The following FHIT variants were observed in gnomAD, a reference collection of about 807,000 sequenced individuals.
FHIT encodes bis(5'-adenosyl)-triphosphatase.
FHIT carries 19 observed loss-of-function variants against 17.9 expected under a neutral mutation model. The ratio of observed to expected loss-of-function variants is 1.06; its 90% CI spans 0.74 to 1.56. The LOEUF (loss-of-function observed/expected upper bound fraction) is 1.56, where lower values mean the gene tolerates loss of function less well. Among genes scored for constraint, FHIT ranks in the 40% most tolerant of loss-of-function variants. FHIT has a pLI of 0.00. For missense variants in FHIT, 248 were observed against 189.2 expected, an observed-to-expected ratio of 1.31 and a Z score of -1.82; for synonymous variants, 81 against 69.7, an observed-to-expected ratio of 1.16 and a Z score of -0.81.
At chr3:60,150,098 T>C (rs1313489159) in intron 5 of FHIT, among the ~76,000 whole-genome samples, 1 of 144,766 alleles carries the variant, frequency 6.9e-6, no homozygotes, top group Non-Finnish European at 1.5e-5. Flanking sequence ...GGGGTTCAAG[T>C]GATTCTCCTG....
At chr3:59,867,354 C>G (rs972623914) in intron 8 of FHIT, among the ~76,000 whole-genome samples, 1 of 151,180 alleles carries the variant, frequency 6.6e-6, no homozygotes, top group African/African-American at 2.4e-5. Context: ...ACATAATAAC[C>G]ACATTCATTC....
intron 3 of FHIT, among the ~76,000 whole-genome samples, chr3:61,036,700 GA>G (rs1252974752): frequency 1.3e-5 from 2 of 152,182 alleles, no homozygotes; most frequent in East Asian, 1.9e-4. Context: ...GAAGTTTGAG[GA>G]GTTTATTAGG....
At chr3:60,910,760 A>T (rs543117384) in intron 3 of FHIT, among the ~76,000 whole-genome samples, 23 of 152,216 alleles carry the variant, frequency 1.5e-4, no homozygotes, top group South Asian at 4.1e-4. Context: ...TAATCTTCTT[A>T]TAGAGAAGGC....
intron 2 of FHIT, among the ~76,000 whole-genome samples, chr3:61,052,146 C>T (rs1398565847): frequency 1.3e-5 from 2 of 152,156 alleles, no homozygotes; most frequent in African/African-American, 4.8e-5. Context: ...TACTTAAAAG[C>T]AAATCATGGT....
chr3:60,606,258 T>A (rs75052989), intron 4 of FHIT, among the ~76,000 whole-genome samples: 2 of 151,750 alleles, frequency 1.3e-5, no homozygotes, highest in African/African-American at 4.8e-5. Context: ...TTTTTTTTTT[T>A]GAGATGGAGT....
At chr3:60,205,989 CG>C (rs1447519816) in intron 5 of FHIT, among the ~76,000 whole-genome samples, 1 of 150,056 alleles carries the variant, frequency 6.7e-6, no homozygotes, top group African/African-American at 2.4e-5. Flanking sequence ...AAAAATTAGC[CG>C]GGCGTGGTTG....
chr3:60,976,889 T>A (rs546743296), intron 3 of FHIT, among the ~76,000 whole-genome samples: 5 of 152,300 alleles, frequency 3.3e-5, no homozygotes, highest in African/African-American at 9.6e-5. Flanking sequence ...TTGTTTTTTT[T>A]TTTTTATTTT....
intron 3 of FHIT, among the ~76,000 whole-genome samples, chr3:60,855,684 T>C (rs1703352458): frequency 6.6e-6 from 1 of 152,142 alleles, no homozygotes; most frequent in African/African-American, 2.4e-5. Flanking sequence ...CTTCCATGTG[T>C]TATGGGCCAA....
At chr3:60,036,779 T>C (rs1410588239) in intron 5 of FHIT, among the ~76,000 whole-genome samples, 1 of 152,162 alleles carries the variant, frequency 6.6e-6, no homozygotes, top group Non-Finnish European at 1.5e-5. Flanking sequence ...GTTTGTTTGT[T>C]TGTTTGTTTT....
chr3:60,317,529 T>G (rs1709217482), intron 5 of FHIT, among the ~76,000 whole-genome samples: 1 of 149,850 alleles, frequency 6.7e-6, no homozygotes, highest in South Asian at 2.1e-4. Flanking sequence ...CTCACAAAAG[T>G]GATGCTAATA....
chr3:60,286,889 C>A (rs570023201), intron 5 of FHIT, among the ~76,000 whole-genome samples: 1 of 152,268 alleles, frequency 6.6e-6, no homozygotes, highest in South Asian at 2.1e-4. Context: ...GGTCTTCACC[C>A]AAGCTCTTCC....
intron 7 of FHIT, among the ~76,000 whole-genome samples, chr3:59,933,193 C>T (rs1706060421): frequency 6.6e-6 from 1 of 152,142 alleles, no homozygotes; most frequent in Admixed American, 6.5e-5. Context: ...AATGTGGGTT[C>T]TTTCACGGGC....
intron 3 of FHIT, among the ~76,000 whole-genome samples, chr3:60,832,055 C>T (rs1186074275): frequency 6.6e-6 from 1 of 152,016 alleles, no homozygotes; most frequent in African/African-American, 2.4e-5. Flanking sequence ...AATACTAGAG[C>T]CCTTAGCCCC....
intron 3 of FHIT, among the ~76,000 whole-genome samples, chr3:60,872,067 C>G (rs1553755150): frequency 6.6e-6 from 1 of 152,072 alleles, no homozygotes; most frequent in Non-Finnish European, 1.5e-5. Context: ...TTTACAAGAT[C>G]ATACTTCAGT....
chr3:60,194,596 T>A (rs1702540956), intron 5 of FHIT, among the ~76,000 whole-genome samples: 1 of 151,968 alleles, frequency 6.6e-6, no homozygotes, highest in South Asian at 2.1e-4. Flanking sequence ...GATACCTAAT[T>A]AAACTAAAAA....
At chr3:60,625,261 C>T (rs2039253472) in intron 4 of FHIT, among the ~76,000 whole-genome samples, 2 of 152,154 alleles carry the variant, frequency 1.3e-5, no homozygotes, top group African/African-American at 2.4e-5. Flanking sequence ...CACGTACAAG[C>T]TTTTGAGTGG....
intron 5 of FHIT, among the ~76,000 whole-genome samples, chr3:60,372,469 T>G (rs536943497): frequency 1.3e-5 from 2 of 152,326 alleles, no homozygotes; most frequent in Admixed American, 6.5e-5. Context: ...TATCTCTATC[T>G]CATTGTATTT....
At chr3:60,747,127 A>AC (rs1306663116) in intron 4 of FHIT, among the ~76,000 whole-genome samples, 30 of 133,382 alleles carry the variant, frequency 2.2e-4, no homozygotes, top group African/African-American at 9.0e-4. Flanking sequence ...TGGAATTCAC[A>AC]AAAAAAAAAA....
Position 60,380,555 on chromosome 3 carries a change from GGTTGTACAACC to G in FHIT, c.103+156294_103+156304del, listed in dbSNP as rs1700756268. Among the ~76,000 whole-genome samples, 7 of 152,252 alleles carry G rather than the reference GGTTGTACAACC, an allele frequency of 4.6e-5. No individual in the cohort carries two copies. The South Asian group carries it at 1.0e-3, about 23-fold the overall frequency. On this transcript the variant is annotated intron_variant, in intron 5 of 9. Transcript: ENST00000492590. ...ACTGAGACTCACAGTAACTTCTGAA[GGTTGTACAACC>G]TTATGGGAAAAAGAGGGTACAGATT...
Sources: gnomAD v4.1 joint callset for allele counts (sites outside exome capture counted in the v4.1 genomes callset) on GRCh38, gnomAD v4.1.1 for gene constraint, MANE v1.5 for transcripts, NCBI Gene and HGNC (gene_info 2026-07-23, HGNC 2026-07-21) for gene names.